Variants in CNTN4 observed in about 807,000 individuals in gnomAD.
The protein encoded by CNTN4 is contactin-4.
A neutral mutation model predicts 122.5 loss-of-function variants in CNTN4; 77 were observed. That is an observed-to-expected ratio of 0.63 (90% CI 0.52 to 0.76). The LOEUF (loss-of-function observed/expected upper bound fraction) is 0.76, where lower values mean the gene tolerates loss of function less well. Among genes scored for constraint, CNTN4 ranks in the 30% least tolerant of loss-of-function variants. The pLI is 0.00. For synonymous variants in CNTN4, 512 were observed against 447.0 expected, an observed-to-expected ratio of 1.15 and a Z score of -1.83; for missense variants, 1,256 against 1,259.1, an observed-to-expected ratio of 1.00 and a Z score of 0.04.
chr3:2,238,906 T>C lies in CNTN4; in HGVS notation c.-144-100272T>C, dbSNP rs1380905515. The C allele has an allele frequency of 8.7e-5, 10 of 115,470 alleles. 2 individuals carry two copies. Among genetic ancestry groups the C allele is most frequent in the African/African-American group, 2.4e-4 (8 of 33,410 alleles). 7.2% of individuals were successfully genotyped at this position (115,470 alleles called of 1,614,324 possible). On this transcript the variant is annotated intron_variant, in intron 2 of 24. Coordinates refer to ENST00000418658, the MANE Select transcript of CNTN4 (RefSeq NM_175607.3). ...CACGCCTGGCTAATTTTTGTATTTT[T>C]AGTAGAGACGGGGTTTCACCGTGTT... is the stretch of plus-strand genomic sequence containing the variant.
chr3:2,672,923 G>A (rs561070267), intron 4 of CNTN4, among the ~76,000 whole-genome samples: 4 of 152,136 alleles, frequency 2.6e-5, no homozygotes, highest in Admixed American at 1.3e-4. Flanking sequence ...GCTTACATTC[G>A]AGTGGGCTAG....
At chr3:2,535,515 A>T (rs919609689) in intron 3 of CNTN4, among the ~76,000 whole-genome samples, 6 of 152,234 alleles carry the variant, frequency 3.9e-5, no homozygotes, top group African/African-American at 1.4e-4. Flanking sequence ...ATTGACGTCA[A>T]GGCCCTCCAC....
intron 14 of CNTN4, chr3:2,988,793 A>C (rs1239883765): frequency 1.6e-5 from 5 of 315,838 alleles, no homozygotes; most frequent in Non-Finnish European, 2.4e-5. Flanking sequence ...TTTGAAATTC[A>C]TGTCTAGGAA....
At chr3:2,754,966 C>T (rs1169059894) in intron 6 of CNTN4, among the ~76,000 whole-genome samples, 1 of 152,006 alleles carries the variant, frequency 6.6e-6, no homozygotes, top group Non-Finnish European at 1.5e-5. Context: ...TTCTCTTTAA[C>T]TGGGGCACAC....
At chr3:2,181,416 A>G (rs2037009997) in intron 2 of CNTN4, among the ~76,000 whole-genome samples, 1 of 152,058 alleles carries the variant, frequency 6.6e-6, no homozygotes, top group Non-Finnish European at 1.5e-5. Context: ...CATTTAGTAG[A>G]ACGTATCAAA....
intron 4 of CNTN4, among the ~76,000 whole-genome samples, chr3:2,708,891 T>G (rs2086921527): frequency 6.6e-6 from 1 of 152,244 alleles, no homozygotes; most frequent in African/African-American, 2.4e-5. Context: ...TCTCCATTCC[T>G]TTGTAAAATA....
chr3:2,840,545 A>AG (rs1322388668), intron 7 of CNTN4, among the ~76,000 whole-genome samples: 1 of 12,892 alleles, frequency 7.8e-5, no homozygotes, highest in Non-Finnish European at 6.4e-4. Context: ...CTAAAAATAC[A>AG]AAAATTAGCC....
intron 3 of CNTN4, among the ~76,000 whole-genome samples, chr3:2,348,157 T>C (rs1316113438): frequency 6.6e-6 from 1 of 152,168 alleles, no homozygotes; most frequent in African/African-American, 2.4e-5. Context: ...TTTTATTGAG[T>C]CTTTAGGATA....
At chr3:2,736,053 C>A in intron 4 of CNTN4, 162 bp from the exon 5 acceptor site, 3 of 774,580 alleles carry the variant, frequency 3.9e-6, no homozygotes, top group Non-Finnish European at 4.6e-6. Flanking sequence ...AGAAGATTAA[C>A]CTTCAATGGG....
intron 4 of CNTN4, among the ~76,000 whole-genome samples, chr3:2,597,786 G>A (rs1447755696): frequency 1.3e-5 from 2 of 152,134 alleles, no homozygotes; most frequent in African/African-American, 4.8e-5. Context: ...TGACCTGACA[G>A]CGTTCTCACT....
At chr3:3,010,011 A>G (rs1201869369) in intron 14 of CNTN4, among the ~76,000 whole-genome samples, 3 of 152,052 alleles carry the variant, frequency 2.0e-5, no homozygotes, top group Non-Finnish European at 4.4e-5. Flanking sequence ...ACAGAACTCA[A>G]CAGCAGTGTC....
At position 2,406,497 on chromosome 3, in the gene CNTN4, T is replaced by A. The variant is rs1271428715; in HGVS notation, c.-89+67264T>A. Among the ~76,000 whole-genome samples the A allele has an allele frequency of 2.0e-5, 3 of 152,216 alleles. 1 individual carries two copies. The highest frequency in any genetic ancestry group is 1.3e-4 in the Admixed American group (2 of 15,282). Reference sequence around the variant, plus strand: ...GGTAAAATCCAAGTAAAGTTTATAGTTTGTTCCCTGTTTTGATAATTGCAC... The same window carrying A: ...GGTAAAATCCAAGTAAAGTTTATAGATTGTTCCCTGTTTTGATAATTGCAC... On this transcript the variant is annotated intron_variant, in intron 3 of 24. Coordinates refer to ENST00000418658, the MANE Select transcript of CNTN4 (RefSeq NM_175607.3).
At chr3:2,707,747 G>A (rs1217789701) in intron 4 of CNTN4, among the ~76,000 whole-genome samples, 2 of 152,034 alleles carry the variant, frequency 1.3e-5, no homozygotes, top group Non-Finnish European at 2.9e-5. Flanking sequence ...GGGCTCAAGT[G>A]ATCCTCCCCC....
At chr3:2,174,257 C>T (rs2036646639) in intron 2 of CNTN4, among the ~76,000 whole-genome samples, 1 of 151,962 alleles carries the variant, frequency 6.6e-6, no homozygotes, top group Non-Finnish European at 1.5e-5. Flanking sequence ...ATTGTAATAC[C>T]CCTAGATGGA....
intron 4 of CNTN4, among the ~76,000 whole-genome samples, chr3:2,732,434 G>A (rs1247175030): frequency 1.3e-5 from 2 of 151,688 alleles, no homozygotes; most frequent in Non-Finnish European, 2.9e-5. Context: ...CATTTGCTGC[G>A]ATGCTCTTTA....
At chr3:2,924,348 G>T (rs1478622500) in intron 12 of CNTN4, among the ~76,000 whole-genome samples, 1 of 150,440 alleles carries the variant, frequency 6.6e-6, no homozygotes, top group Non-Finnish European at 1.5e-5. Flanking sequence ...CACACCTCAA[G>T]TTCTCCTTTA....
At chr3:2,630,789 TA>T (rs945536462) in intron 4 of CNTN4, among the ~76,000 whole-genome samples, 1 of 152,008 alleles carries the variant, frequency 6.6e-6, no homozygotes, top group South Asian at 2.1e-4. Flanking sequence ...CGTTCTTATT[TA>T]AAAAATGTGT....
intron 13 of CNTN4, among the ~76,000 whole-genome samples, chr3:2,968,668 C>T (rs1692571528): frequency 1.3e-5 from 2 of 152,194 alleles, no homozygotes; most frequent in African/African-American, 4.8e-5. Flanking sequence ...AACTTGTTTA[C>T]AGCCTCTCTG....
At chr3:2,642,986 C>T (rs1180360315) in intron 4 of CNTN4, among the ~76,000 whole-genome samples, 3 of 152,088 alleles carry the variant, frequency 2.0e-5, no homozygotes, top group Non-Finnish European at 2.9e-5. Context: ...TAAAATATAC[C>T]TCATAGGGCA....
Sources: gnomAD v4.1 joint callset for allele counts (sites outside exome capture counted in the v4.1 genomes callset) on GRCh38, gnomAD v4.1.1 for gene constraint, MANE v1.5 for transcripts, NCBI Gene and HGNC (gene_info 2026-07-23, HGNC 2026-07-21) for gene names.